SCLY: variants seen among roughly 807,000 people sequenced by gnomAD.
SCLY encodes the protein putative selenocysteine lyase.
A neutral mutation model predicts 50.1 loss-of-function variants in SCLY; 38 were observed. The observed-to-expected ratio is 0.76, with a 90% confidence interval of 0.59 to 0.99. The LOEUF (loss-of-function observed/expected upper bound fraction) is 0.99, where lower values mean the gene tolerates loss of function less well. Among genes scored for constraint, SCLY ranks in the 50% least tolerant of loss-of-function variants. The pLI is 0.00. For missense variants in SCLY, 600 were observed against 620.0 expected (o/e 0.97, Z 0.34); for synonymous variants, 243 against 249.4 (o/e 0.97, Z 0.24).
chr2:238,065,664 TTA>T (rs1559241265), intron 2 of SCLY, among the ~76,000 whole-genome samples: 9 of 128,278 alleles, frequency 7.0e-5, no homozygotes, highest in South Asian at 3.1e-4. Context: ...TTTTATTTTA[TTA>T]TTATTATTAT....
intron 10 of SCLY, 23 bp from the exon 11 acceptor site, chr2:238,096,778 G>T: frequency 6.3e-7 from 1 of 1,599,274 alleles, no homozygotes; most frequent in East Asian, 2.3e-5. Flanking sequence ...CCCATCTCAG[G>T]GGCATGTGCT....
intron 1 of SCLY, among the ~76,000 whole-genome samples, chr2:238,061,775 C>T (rs951793146): frequency 8.5e-5 from 13 of 152,130 alleles, no homozygotes; most frequent in African/African-American, 3.1e-4. Context: ...GGCCCAGCTG[C>T]AGGAAACGGG....
chr2:238,081,514 C>CA, intron 4 of SCLY, 195 bp from the exon 5 acceptor site: 1 of 646,128 alleles, frequency 1.5e-6, no homozygotes. Flanking sequence ...GCGTTAAAGA[C>CA]ACGTTCACAC....
intron 6 of SCLY, 97 bp downstream of exon 6, chr2:238,082,306 C>T: frequency 7.7e-7 from 1 of 1,301,062 alleles, no homozygotes; most frequent in East Asian, 2.6e-5. Context: ...CACCGTGAGC[C>T]AGGCCTTGGG....
Position 238,081,649 on chromosome 2 carries a change from C to T in SCLY, c.485-60C>T, listed in dbSNP as rs143114199. On this transcript the variant is annotated intron_variant, in intron 4 of 11. Transcript: ENST00000254663. ...AGAAAACTGTTAAGCTCTGTTGGAA[C>T]GCAGTTTTGAGAGGAATCAATTTGT... 428 of 1,574,460 alleles carry T rather than the reference C, an allele frequency of 2.7e-4. No homozygotes were observed. The African/African-American group carries it at 4.8e-3, about 18-fold the overall frequency.
intron 11 of SCLY, among the ~76,000 whole-genome samples, chr2:238,097,692 C>G (rs1189692728): frequency 6.6e-6 from 1 of 152,038 alleles, no homozygotes; most frequent in African/African-American, 2.4e-5. Context: ...GAGGTCAGGC[C>G]CCTTGACAGA....
chr2:238,093,049 A>G (rs866187203), intron 8 of SCLY: 1 of 152,786 alleles, frequency 6.5e-6, no homozygotes, highest in African/African-American at 2.4e-5. Flanking sequence ...ACCTCTTGCT[A>G]TCCAGGTTCT....
intron 4 of SCLY, among the ~76,000 whole-genome samples, chr2:238,075,064 T>C (rs2065160205): frequency 1.3e-5 from 2 of 152,212 alleles, no homozygotes; most frequent in Admixed American, 6.5e-5. Context: ...AGATGGCCTT[T>C]ATCAGGATGA....
intron 1 of SCLY, among the ~76,000 whole-genome samples, chr2:238,062,469 G>T (rs1186012625): frequency 6.6e-6 from 1 of 151,628 alleles, no homozygotes; most frequent in East Asian, 1.9e-4. Flanking sequence ...GAGTGCAGTG[G>T]TGCAGTCTTG....
chr2:238,083,142 A>C lies in SCLY; in HGVS notation c.778-106A>C, dbSNP rs1411902639. On this transcript the variant is annotated intron_variant, in intron 6 of 11. Transcript: ENST00000254663. The surrounding 1 kb of genome is among the most constrained non-coding windows in gnomAD (Gnocchi z 4.3). Reference sequence around the variant, plus strand: ...GGCGCCACAAGGAAGCAGCAGGACTATGCATTGCAGAGCATTTCTCCTGTG... The same window carrying C: ...GGCGCCACAAGGAAGCAGCAGGACTCTGCATTGCAGAGCATTTCTCCTGTG... 1 of 828,576 alleles carries C rather than the reference A, an allele frequency of 1.2e-6. No individual in the cohort carries two copies. Among genetic ancestry groups the C allele is most frequent in the Admixed American group, 1.8e-5 (1 of 56,398 alleles). 51.3% of individuals were successfully genotyped at this position (828,576 alleles called of 1,614,324 possible).
At chr2:238,074,664 G>A (rs1239177140) in intron 4 of SCLY, among the ~76,000 whole-genome samples, 2 of 152,112 alleles carry the variant, frequency 1.3e-5, no homozygotes, top group East Asian at 3.9e-4. Context: ...TGTATTTTTA[G>A]TAGAGATGGG....
At chr2:238,073,574 T>G (rs1243919271) in intron 4 of SCLY, among the ~76,000 whole-genome samples, 1 of 152,260 alleles carries the variant, frequency 6.6e-6, no homozygotes, top group Non-Finnish European at 1.5e-5. Flanking sequence ...AAATTTATCC[T>G]TAAGTGTTTT....
At chr2:238,062,710 C>T (rs1410614410) in intron 1 of SCLY, among the ~76,000 whole-genome samples, 1 of 152,260 alleles carries the variant, frequency 6.6e-6, no homozygotes, top group Non-Finnish European at 1.5e-5. Flanking sequence ...CAGGGCACAG[C>T]CTGTTGAGTG....
At chr2:238,072,053 A>T (rs1032778870) in intron 4 of SCLY, among the ~76,000 whole-genome samples, 2 of 152,074 alleles carry the variant, frequency 1.3e-5, no homozygotes, top group Non-Finnish European at 2.9e-5. Flanking sequence ...TTAACTGTAA[A>T]TCTTCATTTC....
chr2:238,097,221 C>T (rs1482484555), intron 11 of SCLY, among the ~76,000 whole-genome samples: 2 of 152,010 alleles, frequency 1.3e-5, no homozygotes, highest in Non-Finnish European at 2.9e-5. Context: ...CTTACTTAAA[C>T]CTCATGGAAG....
intron 4 of SCLY, among the ~76,000 whole-genome samples, chr2:238,077,409 AT>A (rs1171350539): frequency 6.6e-6 from 1 of 152,226 alleles, no homozygotes; most frequent in African/African-American, 2.4e-5. Context: ...TGTTAGAGAC[AT>A]ATTGTGGCTA....
chr2:238,063,975 C>G (rs1328653007), intron 1 of SCLY, among the ~76,000 whole-genome samples: 2 of 152,168 alleles, frequency 1.3e-5, no homozygotes, highest in Non-Finnish European at 2.9e-5. Flanking sequence ...TTCATAGGCA[C>G]CATCATAGCT....
intron 2 of SCLY, among the ~76,000 whole-genome samples, chr2:238,065,692 T>TATTATTATTA (rs1559241293): frequency 6.7e-6 from 1 of 148,562 alleles, no homozygotes. Context: ...TTATTATTAT[T>TATTATTATTA]TTGAGATTGA....
At position 238,085,774 on chromosome 2, in the gene SCLY, G is replaced by A. The variant is rs551392889; in HGVS notation, c.884+2420G>A. Among the ~76,000 whole-genome samples the A allele has an allele frequency of 1.4e-3, 213 of 152,004 alleles. 4 individuals are homozygous for A. Among genetic ancestry groups the A allele is most frequent in the Non-Finnish European group, 1.4e-3 (98 of 67,994 alleles). On this transcript the variant is annotated intron_variant, in intron 7 of 11. Coordinates refer to ENST00000254663, the MANE Select transcript of SCLY (RefSeq NM_016510.7). ...ATAGAGCTTCAGGGACCTATGAGAC[G>A]ATAACAAATGATATAACATTCGTTT...
Sources: gnomAD v4.1 joint callset for allele counts (sites outside exome capture counted in the v4.1 genomes callset) on GRCh38, gnomAD v4.1.1 for gene constraint, Gnocchi (gnomAD v3.1) non-coding constraint, MANE v1.5 for transcripts, NCBI Gene and HGNC (gene_info 2026-07-23, HGNC 2026-07-21) for gene names.